POP1: variants seen among roughly 807,000 people sequenced by gnomAD.
POP1 encodes POP1 ribonuclease P/MRP subunit.
In POP1, 75 loss-of-function variants were observed where a neutral mutation model predicts 102.2. The ratio of observed to expected loss-of-function variants is 0.73; its 90% CI spans 0.61 to 0.89. The LOEUF (loss-of-function observed/expected upper bound fraction) is 0.89. Ranked by LOEUF, POP1 falls within the 40% of genes least tolerant of loss-of-function variation. The pLI, the probability that POP1 is intolerant of heterozygous loss-of-function variation, is 0.00. For synonymous variants in POP1, 436 were observed against 464.1 expected, an observed-to-expected ratio of 0.94 and a Z score of 0.78; for missense variants, 1,116 against 1,267.4, an observed-to-expected ratio of 0.88 and a Z score of 1.81.
In POP1 at chr8:98,157,979, C is replaced by T; in HGVS notation, c.2783C>T (p.Ser928Phe). ...AGGCAGAAGCCAGGACGTGCCTCTT[C>T]TGATGGCCCGGCGGGGGAAGAGCCC... Reference protein sequence around the residue: ...EKRQKPGRASSDGPAGEEPVA... With the variant: ...EKRQKPGRASFDGPAGEEPVA... The change falls in exon 16 of 16, where the codon TCT (serine) becomes TTT (phenylalanine). Residue 928 changes from serine (S) to phenylalanine (F), a missense_variant. By Grantham distance (155) the Ser-to-Phe change is radical. Coordinates refer to ENST00000401707, the MANE Select transcript of POP1 (RefSeq NM_001145860.2). 1 of 1,613,378 alleles carries T rather than the reference C, an allele frequency of 6.2e-7. No individual in the cohort carries two copies.
intron 13 of POP1, among the ~76,000 whole-genome samples, 192 bp downstream of exon 13, chr8:98,149,198 A>G (rs1809452259): frequency 6.6e-6 from 1 of 152,226 alleles, no homozygotes; most frequent in Non-Finnish European, 1.5e-5. Flanking sequence ...TCTCATTATA[A>G]GACCTGTGCT....
At chr8:98,155,380 A>G (rs145777420) in intron 14 of POP1, among the ~76,000 whole-genome samples, 213 of 152,290 alleles carry the variant, frequency 1.4e-3, no homozygotes, top group Non-Finnish European at 3.8e-4. Context: ...TCCTGGGTTC[A>G]AGCGATTCTT....
intron 4 of POP1, 101 bp downstream of exon 4, chr8:98,128,641 GGGCATGGT>G (rs572974376): frequency 3.2e-5 from 42 of 1,332,062 alleles, no homozygotes; most frequent in Middle Eastern, 2.2e-4. Flanking sequence ...AACCAAGGCT[GGGCATGGT>G]GGCTCACGCC....
At chr8:98,129,227 G>C (rs556723766) in intron 4 of POP1, among the ~76,000 whole-genome samples, 5 of 152,300 alleles carry the variant, frequency 3.3e-5, no homozygotes, top group Non-Finnish European at 7.3e-5. Flanking sequence ...TCAATGCTTA[G>C]CATTTGCTTT....
chr8:98,129,231 T>C (rs1816305411), intron 4 of POP1, among the ~76,000 whole-genome samples: 1 of 152,210 alleles, frequency 6.6e-6, no homozygotes, highest in African/African-American at 2.4e-5. Flanking sequence ...TGCTTAGCAT[T>C]TGCTTTCTGA....
intron 2 of POP1, among the ~76,000 whole-genome samples, chr8:98,125,548 C>T (rs553022011): frequency 2.0e-5 from 3 of 149,848 alleles, no homozygotes; most frequent in South Asian, 2.1e-4. Flanking sequence ...GGAAATGTTG[C>T]CTTTTTTTTG....
At chr8:98,152,994 C>T (rs1052254327) in intron 14 of POP1, among the ~76,000 whole-genome samples, 8 of 151,894 alleles carry the variant, frequency 5.3e-5, no homozygotes, top group East Asian at 3.9e-4. Flanking sequence ...TTTTTTGAGA[C>T]GGTCTCGCTC....
In POP1 at chr8:98,151,414, T is replaced by G. The variant is rs1259877802; in HGVS notation, c.2057+775T>G. 4.6e-5 allele frequency among the ~76,000 whole-genome samples: 7 copies of G among 152,284 alleles called. No individual in the cohort carries two copies. The South Asian group carries it at 1.0e-3, about 23-fold the overall frequency. On this transcript the variant is annotated intron_variant, in intron 14 of 15. Coordinates refer to ENST00000401707, the MANE Select transcript of POP1 (RefSeq NM_001145860.2). ...TTTTTATATCTTAGTACCTATCCAT[T>G]TAGACTTTTCTTTTTTCATTGGAAG...
chr8:98,139,689 G>A (rs915998320), intron 9 of POP1, among the ~76,000 whole-genome samples: 2 of 152,106 alleles, frequency 1.3e-5, no homozygotes, highest in Non-Finnish European at 2.9e-5. Flanking sequence ...AGCCATGACA[G>A]GCCACTGCAC....
chr8:98,122,714 T>A (rs1188791882), intron 1 of POP1, among the ~76,000 whole-genome samples: 1 of 152,218 alleles, frequency 6.6e-6, no homozygotes. Context: ...TTATGTTACA[T>A]TTAGGGCATC....
intron 3 of POP1, 23 bp from the exon 4 acceptor site, chr8:98,128,342 G>T: frequency 1.9e-6 from 3 of 1,611,882 alleles, no homozygotes; most frequent in Non-Finnish European, 2.5e-6. Context: ...GGTGTTTAAT[G>T]ACTTTGTCAT....
At chr8:98,135,579 CT>C (rs1290730578) in intron 7 of POP1, among the ~76,000 whole-genome samples, 2 of 152,148 alleles carry the variant, frequency 1.3e-5, no homozygotes, top group Non-Finnish European at 2.9e-5. Context: ...AACCCTACCC[CT>C]AGCCCCAGCC....
At chr8:98,138,406 T>TC (rs560528831) in intron 9 of POP1, among the ~76,000 whole-genome samples, 80 of 152,288 alleles carry the variant, frequency 5.3e-4, no homozygotes, top group African/African-American at 1.8e-3. Context: ...ACCTGTTTTT[T>TC]CCTTCCAACT....
chr8:98,139,721 A>G (rs1358218635), intron 9 of POP1, among the ~76,000 whole-genome samples: 1 of 149,324 alleles, frequency 6.7e-6, no homozygotes, highest in Non-Finnish European at 1.5e-5. Flanking sequence ...TGACAGTGAG[A>G]CTGTGTCAAG....
chr8:98,121,335 C>A (rs1437888438), intron 1 of POP1, among the ~76,000 whole-genome samples: 2 of 151,966 alleles, frequency 1.3e-5, no homozygotes, highest in African/African-American at 4.8e-5. Context: ...TGGAAGTGGG[C>A]AAATTCTGAT....
intron 14 of POP1, among the ~76,000 whole-genome samples, chr8:98,151,740 C>CTT (rs755019200): frequency 0.15 from 16,671 of 112,782 alleles, 1,699 homozygotes; most frequent in Middle Eastern, 0.29. Context: ...GCCTGGCTTG[C>CTT]TTTTTTTTTT....
chr8:98,136,604 G>A lies in POP1; in HGVS notation c.1134G>A (p.Glu378=). ...AAAGCCAAACTGAATTGCCTGACGA[G>A]AAAATTGGCAAGAAAAGAAAAAGGA... ...QEKSQTELPD[E]KIGKKRKRKD... is the part of the protein sequence containing the mutation. Residue 378 remains glutamate (E), a synonymous_variant, in exon 8 of 16, where the codon GAG becomes GAA. Coordinates refer to ENST00000401707, the MANE Select transcript of POP1 (RefSeq NM_001145860.2). 6.2e-7 allele frequency: 1 copy of A among 1,613,966 alleles called. No homozygotes were observed. The highest frequency in any genetic ancestry group is 8.5e-7 in the Non-Finnish European group (1 of 1,180,016).
In POP1 at chr8:98,132,748, C is replaced by T. The variant is rs564809641; in HGVS notation, c.736-1201C>T. Among the ~76,000 whole-genome samples the T allele has an allele frequency of 5.9e-5, 9 of 151,946 alleles. No individual in the cohort carries two copies. In the South Asian group the frequency reaches 1.2e-3, roughly 21 times the overall value. ...GTTCATGTAAGGAGTTAACTCATTGCTGGCACTCAGTAACCCTTCAATGAC... is the reference window on the plus strand; with the variant it reads ...GTTCATGTAAGGAGTTAACTCATTGTTGGCACTCAGTAACCCTTCAATGAC... On this transcript the variant is annotated intron_variant, in intron 5 of 15. Transcript: ENST00000401707.
chr8:98,144,239 A>G (rs1800499595), intron 11 of POP1, among the ~76,000 whole-genome samples: 1 of 151,952 alleles, frequency 6.6e-6, no homozygotes, highest in Non-Finnish European at 1.5e-5. Flanking sequence ...ACTCCTTTGG[A>G]CATACTGTCT....
Sources: gnomAD v4.1 joint callset for allele counts (sites outside exome capture counted in the v4.1 genomes callset) on GRCh38, gnomAD v4.1.1 for gene constraint, MANE v1.5 for transcripts, NCBI Gene and HGNC (gene_info 2026-07-23, HGNC 2026-07-21) for gene names.